Variants in CDH12 observed in about 807,000 individuals in gnomAD.
CDH12 encodes cadherin 12, also known as cadherin-12.
A neutral mutation model predicts 74.1 loss-of-function variants in CDH12; 41 were observed. The ratio of observed to expected loss-of-function variants is 0.55; its 90% confidence interval spans 0.43 to 0.72. The LOEUF (loss-of-function observed/expected upper bound fraction) is 0.72. Ranked by LOEUF, CDH12 falls within the 30% of genes least tolerant of loss-of-function variation. The probability of loss-of-function intolerance (pLI) is 0.00; values close to 1 mark genes in which losing one functional copy is unlikely to be tolerated. For missense variants in CDH12, 945 were observed against 977.2 expected (o/e 0.97, Z 0.44); for synonymous variants, 399 against 355.0 (o/e 1.12, Z -1.39).
At chr5:22,587,847 GATAT>G (rs371114068) in intron 1 of CDH12, among the ~76,000 whole-genome samples, 2 of 145,234 alleles carry the variant, frequency 1.4e-5, no homozygotes, top group Admixed American at 7.0e-5. Context: ...TTTTGGTGGA[GATAT>G]ATATATATAT....
chr5:22,257,531 G>A (rs1030960787), intron 3 of CDH12, among the ~76,000 whole-genome samples: 1 of 149,542 alleles, frequency 6.7e-6, no homozygotes, highest in Middle Eastern at 3.5e-3. Flanking sequence ...ACAGAGTCTC[G>A]CTCTATTGCC....
rs150342099 is a variant in CDH12 at position 21,779,859 on chromosome 5, G to C, written c.1393+3499C>G. Among the ~76,000 whole-genome samples, 6 of 152,226 alleles carry C rather than the reference G, an allele frequency of 3.9e-5. No individual in the cohort carries two copies. The East Asian group carries it at 1.2e-3, about 29-fold the overall frequency. On this transcript the variant is annotated intron_variant, in intron 11 of 14. Transcript: ENST00000382254. ...TATGAATAAAGTTTACTTTTAAGCT[G>C]TGCATTCAAACAAAATAAAAACCTA...
At chr5:22,782,091 C>T (rs1747412948) in intron 1 of CDH12, among the ~76,000 whole-genome samples, 1 of 152,122 alleles carries the variant, frequency 6.6e-6, no homozygotes, top group Non-Finnish European at 1.5e-5. Flanking sequence ...ATTACAGGCT[C>T]ATAGGCAGAA....
chr5:22,504,062 T>A (rs1038239170), intron 2 of CDH12, among the ~76,000 whole-genome samples: 3 of 151,976 alleles, frequency 2.0e-5, no homozygotes, highest in Non-Finnish European at 2.9e-5. Flanking sequence ...TAGAAATTAA[T>A]TAAAATTTTC....
chr5:22,099,990 C>G (rs891618226), intron 4 of CDH12, among the ~76,000 whole-genome samples: 1 of 152,190 alleles, frequency 6.6e-6, no homozygotes, highest in Admixed American at 6.5e-5. Context: ...CTCTCCCACT[C>G]TAGGTTCCCA....
At chr5:22,607,908 T>C (rs926408888) in intron 1 of CDH12, among the ~76,000 whole-genome samples, 2 of 152,216 alleles carry the variant, frequency 1.3e-5, no homozygotes, top group African/African-American at 4.8e-5. Flanking sequence ...AACCTTCACC[T>C]AGATTTCAGT....
chr5:22,569,929 T>A (rs1056718153), intron 1 of CDH12, among the ~76,000 whole-genome samples: 5 of 152,204 alleles, frequency 3.3e-5, no homozygotes, highest in African/African-American at 1.2e-4. Context: ...CTTAATGACA[T>A]CAACAATGGT....
At chr5:22,450,313 T>A (rs1744993401) in intron 2 of CDH12, among the ~76,000 whole-genome samples, 1 of 151,842 alleles carries the variant, frequency 6.6e-6, no homozygotes, top group Admixed American at 6.6e-5. Context: ...CCCACGTCAA[T>A]AAACACCTAC....
intron 1 of CDH12, among the ~76,000 whole-genome samples, chr5:22,766,028 C>G (rs975163099): frequency 6.6e-6 from 1 of 151,844 alleles, no homozygotes; most frequent in East Asian, 1.9e-4. Flanking sequence ...TGAAAAAGTG[C>G]TAAATCTCAT....
At chr5:22,569,167 C>G (rs1171990215) in intron 1 of CDH12, among the ~76,000 whole-genome samples, 2 of 152,110 alleles carry the variant, frequency 1.3e-5, no homozygotes, top group Non-Finnish European at 2.9e-5. Context: ...GATATATGTC[C>G]CTCCCCAAAT....
chr5:22,428,762 C>G (rs917077402), intron 2 of CDH12, among the ~76,000 whole-genome samples: 2 of 152,302 alleles, frequency 1.3e-5, no homozygotes, highest in African/African-American at 4.8e-5. Flanking sequence ...AGTCGTCAAT[C>G]TACCTTGAGT....
At chr5:22,697,362 G>A (rs1742426238) in intron 1 of CDH12, among the ~76,000 whole-genome samples, 1 of 152,020 alleles carries the variant, frequency 6.6e-6, no homozygotes, top group Non-Finnish European at 1.5e-5. Flanking sequence ...ACGAGGTCAG[G>A]AGATCAAGAC....
intron 6 of CDH12, among the ~76,000 whole-genome samples, chr5:21,897,756 T>C (rs1159067538): frequency 6.6e-6 from 1 of 152,204 alleles, no homozygotes; most frequent in East Asian, 1.9e-4. Flanking sequence ...CAGAGCTATT[T>C]TGAAAATGAA....
chr5:22,570,544 T>C (rs1167796648), intron 1 of CDH12, among the ~76,000 whole-genome samples: 4 of 152,110 alleles, frequency 2.6e-5, no homozygotes, highest in African/African-American at 7.2e-5. Flanking sequence ...CATTTATAGA[T>C]AGTAGGTCTC....
At chr5:22,208,113 G>GT (rs200581537) in intron 4 of CDH12, among the ~76,000 whole-genome samples, 1,968 of 152,292 alleles carry the variant, frequency 0.013, 58 homozygotes, top group African/African-American at 0.046. Context: ...TTTGAACCAG[G>GT]TGGTTGAACC....
At position 21,882,938 on chromosome 5, in the gene CDH12, T is replaced by C. The variant is rs1044239969; in HGVS notation, c.527-28148A>G. Reference sequence around the variant, plus strand: ...AATCTGGGGATGGCACTACCACTGCTACTGTACTGGCAGGCTCTATAGCCA... The same window carrying C: ...AATCTGGGGATGGCACTACCACTGCCACTGTACTGGCAGGCTCTATAGCCA... On this transcript the variant is annotated intron_variant, in intron 6 of 14. Transcript: ENST00000382254. 17 of 1,601,552 alleles carry C rather than the reference T, an allele frequency of 1.1e-5. No individual in the cohort carries two copies. The African/African-American group carries it at 1.6e-4, about 15-fold the overall frequency.
chr5:22,711,810 T>A (rs1743302363), intron 1 of CDH12, among the ~76,000 whole-genome samples: 1 of 152,102 alleles, frequency 6.6e-6, no homozygotes, highest in South Asian at 2.1e-4. Flanking sequence ...TTGAACTAAA[T>A]GTGTTAAAAT....
chr5:22,426,032 C>T (rs1313256033), intron 2 of CDH12, among the ~76,000 whole-genome samples: 2 of 151,754 alleles, frequency 1.3e-5, no homozygotes, highest in Non-Finnish European at 2.9e-5. Context: ...ACTAAAAATA[C>T]AAAAATTAGC....
At chr5:21,836,462 A>AACACACACACACACACAC (rs60658949) in intron 8 of CDH12, among the ~76,000 whole-genome samples, 52 of 143,526 alleles carry the variant, frequency 3.6e-4, no homozygotes, top group Non-Finnish European at 6.9e-4. Flanking sequence ...TAGAAAGGAA[A>AACACACACACACACACAC]ACACACACAC....
Sources: gnomAD v4.1 joint callset for allele counts (sites outside exome capture counted in the v4.1 genomes callset) on GRCh38, gnomAD v4.1.1 for gene constraint, MANE v1.5 for transcripts, NCBI Gene and HGNC (gene_info 2026-07-23, HGNC 2026-07-21) for gene names.